ST3GAL1: variants seen among roughly 807,000 people sequenced by gnomAD.
ST3GAL1 encodes ST3 beta-galactoside alpha-2,3-sialyltransferase 1, also known as CMP-N-acetylneuraminate-beta-galactosamide-alpha-2,3-sialyltransferase 1.
ST3GAL1 carries 16 observed loss-of-function variants against 34.1 expected under a neutral mutation model. The ratio of observed to expected loss-of-function variants is 0.47; its 90% CI spans 0.32 to 0.71. ST3GAL1 has a LOEUF of 0.71. Ranked by LOEUF, ST3GAL1 falls within the 30% of genes least tolerant of loss-of-function variation. The pLI, the probability that ST3GAL1 is intolerant of heterozygous loss-of-function variation, is 0.04. For synonymous variants in ST3GAL1, 191 were observed against 184.7 expected (o/e 1.03, Z -0.28); for missense variants, 353 against 447.4 (o/e 0.79, Z 1.90).
rs184683551 is a variant in ST3GAL1 at position 133,505,903 on chromosome 8, T to C, written c.-428-6714A>G. On this transcript the variant is annotated intron_variant, in intron 2 of 9. Coordinates refer to ENST00000522652, the MANE Select transcript of ST3GAL1 (RefSeq NM_173344.3). ...GGCGTGAGCCACTGCACTCACCTGC[T>C]ATTTCTAATTAAACTTATATTTTAA... Among the ~76,000 whole-genome samples the C allele has an allele frequency of 4.8e-3, 732 of 152,292 alleles. 6 individuals are homozygous for C. Among genetic ancestry groups the C allele is most frequent in the Admixed American group, 8.3e-3 (127 of 15,292 alleles).
chr8:133,523,326 A>G (rs562480757), intron 2 of ST3GAL1, among the ~76,000 whole-genome samples: 1 of 152,222 alleles, frequency 6.6e-6, no homozygotes, highest in African/African-American at 2.4e-5. Flanking sequence ...ACAAGTCACA[A>G]AGGTGTGCAG....
At chr8:133,537,602 A>G (rs1279521852) in intron 2 of ST3GAL1, among the ~76,000 whole-genome samples, 4 of 152,196 alleles carry the variant, frequency 2.6e-5, no homozygotes, top group Non-Finnish European at 5.9e-5. Context: ...AGGGCTGGAG[A>G]AAAGCATCCA....
chr8:133,540,742 T>C lies in ST3GAL1; in HGVS notation c.-429+5032A>G, dbSNP rs374377317. On this transcript the variant is annotated intron_variant, in intron 2 of 9. Transcript: ENST00000522652. Reference sequence around the variant, plus strand: ...ATATATATAGACATATATATATATATAGACATATATATATATATAGACATA... The same window carrying C: ...ATATATATAGACATATATATATATACAGACATATATATATATATAGACATA... 9.7e-4 allele frequency among the ~76,000 whole-genome samples: 88 copies of C among 90,910 alleles called. 3 individuals are homozygous for C. Among genetic ancestry groups the C allele is most frequent in the African/African-American group, 2.1e-3 (42 of 19,644 alleles). The allele number at this position is 90,910 out of a possible 152,430, so 59.6% of individuals were successfully genotyped here.
intron 2 of ST3GAL1, among the ~76,000 whole-genome samples, chr8:133,531,277 A>AC (rs1394913452): frequency 7.9e-5 from 12 of 152,226 alleles, no homozygotes; most frequent in African/African-American, 2.9e-4. Flanking sequence ...ACTCACACAT[A>AC]TAGTATATAT....
At chr8:133,539,567 C>T (rs1818407574) in intron 2 of ST3GAL1, 1 of 152,146 alleles carries the variant, frequency 6.6e-6, no homozygotes, top group Non-Finnish European at 1.5e-5. Flanking sequence ...CCTAAACATA[C>T]CACCGATTTA....
Position 133,465,970 on chromosome 8 carries a change from C to T in ST3GAL1, c.427G>A (p.Ala143Thr), listed in dbSNP as rs374070770. The change falls in exon 6 of 10, where the codon GCC (alanine) becomes ACC (threonine). Residue 143 changes from alanine to threonine, a missense_variant. Transcript: ENST00000522652. ...EKRSVGCRRC[A>T]VVGNSGNLRE... ...AGGTTGCCCGAGTTGCCCACAACGGCGCAGCGCCGGCAGCCCACCGACCTC... is the reference window on the plus strand; with the variant it reads ...AGGTTGCCCGAGTTGCCCACAACGGTGCAGCGCCGGCAGCCCACCGACCTC... 1.9e-6 allele frequency: 3 copies of T among 1,614,090 alleles called. No individual in the cohort carries two copies. Among genetic ancestry groups the T allele is most frequent in the Non-Finnish European group, 2.5e-6 (3 of 1,179,998 alleles).
chr8:133,524,000 C>G (rs1208535758), intron 2 of ST3GAL1, among the ~76,000 whole-genome samples: 1 of 152,186 alleles, frequency 6.6e-6, no homozygotes, highest in Non-Finnish European at 1.5e-5. Flanking sequence ...CAACTCAACT[C>G]AAAGACTAAG....
rs2130926428 is a variant in ST3GAL1 at position 133,466,994 on chromosome 8, C to T, written c.307-904G>A. On this transcript the variant is annotated intron_variant, in intron 5 of 9. Transcript: ENST00000522652. This position sits in a 1 kb window ranked among gnomAD's most constrained non-coding sequence, Gnocchi z 4.4. ...CCTGTAGTCCCAGCTACTTGGGAGG[C>T]TGAAGTGGGAGAATCTCTTGAACCC... is the stretch of plus-strand genomic sequence containing the variant. 6.6e-6 allele frequency among the ~76,000 whole-genome samples: 1 copy of T among 151,380 alleles called. No individual in the cohort carries two copies. The highest frequency in any genetic ancestry group is 2.0e-4 in the East Asian group (1 of 5,128).
rs568369632 is a variant in ST3GAL1, at chr8:133,460,047, T to G, written c.850-110A>C. The G allele has an allele frequency of 9.8e-5, 116 of 1,183,890 alleles. 1 individual carries two copies. The highest frequency in any genetic ancestry group is 7.6e-4 in the South Asian group (46 of 60,200). The allele number at this position is 1,183,890 out of a possible 1,614,324, so 73.3% of individuals were successfully genotyped here. A position where few individuals can be genotyped will look rare whatever the true frequency, so the allele number is the denominator to read the frequency against. On this transcript the variant is annotated intron_variant, in intron 9 of 9. Transcript: ENST00000522652. ...AATCCCACAGGACCATAAACAGCAT[T>G]TCCAAGGACTCTGACTAACCCTTCA...
intron 5 of ST3GAL1, among the ~76,000 whole-genome samples, chr8:133,468,882 G>T (rs1461776497): frequency 6.6e-6 from 1 of 152,206 alleles, no homozygotes; most frequent in African/African-American, 2.4e-5. Context: ...GAGGACCACA[G>T]CCAGACTCCC....
At chr8:133,497,602 A>G (rs920545810) in intron 3 of ST3GAL1, among the ~76,000 whole-genome samples, 1 of 151,450 alleles carries the variant, frequency 6.6e-6, no homozygotes, top group Non-Finnish European at 1.5e-5. Context: ...CCTCCCGAGT[A>G]GCTGGGATTA....
intron 2 of ST3GAL1, among the ~76,000 whole-genome samples, chr8:133,535,209 A>T (rs79321419): frequency 0.093 from 14,118 of 152,254 alleles, 1,558 homozygotes; most frequent in African/African-American, 0.26. Context: ...GGCAGGTACT[A>T]CATTTGGGGT....
At position 133,565,151 on chromosome 8, in the gene ST3GAL1, C is replaced by CTGTGTGTGTGTG. The variant is rs60990775; in HGVS notation, c.-582+6530_-582+6541dup. Among the ~76,000 whole-genome samples, 820 of 139,378 alleles carry CTGTGTGTGTGTG rather than the reference C, an allele frequency of 5.9e-3. 7 individuals carry two copies. Among genetic ancestry groups the CTGTGTGTGTGTG allele is most frequent in the African/African-American group, 0.016 (584 of 36,900 alleles). 91.4% of individuals were successfully genotyped at this position (139,378 alleles called of 152,430 possible). ...CAAATGAGATAACAGCTCTGTGTGCCTGTGTGTGTGTGTGTGTGTGTGTGT... is the reference window on the plus strand; with the variant it reads ...CAAATGAGATAACAGCTCTGTGTGCCTGTGTGTGTGTGTGTGTGTGTGTGTGTGTGTGTGTGT... On this transcript the variant is annotated intron_variant, in intron 1 of 9. Transcript: ENST00000522652.
chr8:133,465,357 C>T (rs1815694900), intron 6 of ST3GAL1, among the ~76,000 whole-genome samples: 1 of 152,102 alleles, frequency 6.6e-6, no homozygotes. Context: ...GAATCACAGA[C>T]AGGAGAGACT....
rs1280352664 is a variant in ST3GAL1, at chr8:133,499,129, A to T, written c.-374+6T>A. Reference sequence around the variant, plus strand: ...GCTGGGTTCGAATCCCAGCTCTGCCACTTACCGGCTGTGTGACCTCAGTGG... The same window carrying T: ...GCTGGGTTCGAATCCCAGCTCTGCCTCTTACCGGCTGTGTGACCTCAGTGG... On this transcript the variant is annotated splice_donor_region_variant and intron_variant, in intron 3 of 9. Transcript: ENST00000522652. 6.6e-6 allele frequency: 1 copy of T among 152,228 alleles called. No homozygotes were observed. Among genetic ancestry groups the T allele is most frequent in the Non-Finnish European group, 1.5e-5 (1 of 68,040 alleles). The allele number at this position is 152,228 out of a possible 1,614,324, so 9.4% of individuals were successfully genotyped here.
rs369174188 is a variant in ST3GAL1 at position 133,556,841 on chromosome 8, C to A, written c.-581-10915G>T. Among the ~76,000 whole-genome samples the A allele has an allele frequency of 2.0e-5, 3 of 152,156 alleles. No homozygotes were observed. The highest frequency in any genetic ancestry group is 2.1e-4 in the South Asian group (1 of 4,814). ...GAGGGGGGACATTTTGTTCTTTTGGCCTCTTAGATGATAAAACTAAGTGGA... is the reference window on the plus strand; with the variant it reads ...GAGGGGGGACATTTTGTTCTTTTGGACTCTTAGATGATAAAACTAAGTGGA... On this transcript the variant is annotated intron_variant, in intron 1 of 9. Transcript: ENST00000522652. The surrounding 1 kb of genome is among the most constrained non-coding windows in gnomAD (Gnocchi z 8.9).
intron 1 of ST3GAL1, among the ~76,000 whole-genome samples, chr8:133,569,306 T>C (rs953157226): frequency 6.6e-6 from 1 of 152,216 alleles, no homozygotes; most frequent in Non-Finnish European, 1.5e-5. Context: ...ATTCATTCTT[T>C]ATTTAGCAAA....
rs77748679 is a variant in ST3GAL1 at position 133,502,157 on chromosome 8, C to T, written c.-428-2968G>A. ...AGCCAATATGATAATGTGAGGCCTG[C>T]TATCCCTGGGGTACTAAGAGCAGCT... On this transcript the variant is annotated intron_variant, in intron 2 of 9. Transcript: ENST00000522652. Among the ~76,000 whole-genome samples, 638 of 152,218 alleles carry T rather than the reference C, an allele frequency of 4.2e-3. 9 individuals are homozygous for T. Among genetic ancestry groups the T allele is most frequent in the African/African-American group, 0.015 (621 of 41,524 alleles).
intron 1 of ST3GAL1, among the ~76,000 whole-genome samples, chr8:133,547,877 C>T (rs1210777062): frequency 6.6e-6 from 1 of 152,104 alleles, no homozygotes; most frequent in African/African-American, 2.4e-5. Flanking sequence ...ATAATGAGGG[C>T]CAGAAGGCAG....
Sources: gnomAD v4.1 joint callset for allele counts (sites outside exome capture counted in the v4.1 genomes callset) on GRCh38, gnomAD v4.1.1 for gene constraint, Gnocchi (gnomAD v3.1) non-coding constraint, MANE v1.5 for transcripts, NCBI Gene and HGNC (gene_info 2026-07-23, HGNC 2026-07-21) for gene names.